Variants in RIOX1 observed in about 807,000 individuals in gnomAD.
RIOX1 encodes the protein 60S ribosomal protein L8 histidine hydroxylase.
A neutral mutation model predicts 44.6 loss-of-function variants in RIOX1; 33 were observed. The observed-to-expected ratio is 0.74, with a 90% CI of 0.56 to 0.99. RIOX1 has a LOEUF of 0.99. RIOX1 is among the 50% of genes least tolerant of loss of function. The pLI, the probability that RIOX1 is intolerant of heterozygous loss-of-function variation, is 0.00. For synonymous variants in RIOX1, 387 were observed against 395.8 expected, an observed-to-expected ratio of 0.98 and a Z score of 0.26; for missense variants, 821 against 871.7, an observed-to-expected ratio of 0.94 and a Z score of 0.73.
Position 73,492,168 on chromosome 14 carries a change from A to G in RIOX1, c.1151A>G (p.Glu384Gly), listed in dbSNP as rs1268072785. 6.2e-7 allele frequency: 1 copy of G among 1,613,762 alleles called. No individual in the cohort carries two copies. The highest frequency in any genetic ancestry group is 1.3e-5 in the African/African-American group (1 of 74,896). The change falls in exon 1 of 1, where the codon GAG becomes GGG. Residue 384 changes from glutamate (E) to glycine (G), a missense_variant. Glu to Gly is a moderately conservative substitution (Grantham distance 98). Transcript: ENST00000304061. The surrounding 1 kb of genome is among the most constrained non-coding windows in gnomAD (Gnocchi z 4.9). ...AACTTCAGTCAGGACGACCTCGGTG[A>G]GCCGGTGCTGCAGACCGTGCTGGAA... is the stretch of plus-strand genomic sequence containing the variant. ...SPNFSQDDLGEPVLQTVLEPG... is the reference protein window; with the variant it reads ...SPNFSQDDLGGPVLQTVLEPG...
chr14:73,492,334 A>G lies in RIOX1; in HGVS notation c.1317A>G (p.Ala439=). The G allele has an allele frequency of 6.2e-7, 1 of 1,613,994 alleles. No individual in the cohort carries two copies. Among genetic ancestry groups the G allele is most frequent in the Middle Eastern group, 1.6e-4 (1 of 6,062 alleles). ...GDFLEAILPL[A]VQAAMEENVE... ...TCTTAGAGGCCATACTGCCTCTGGC[A>G]GTGCAGGCTGCAATGGAAGAAAATG... is the stretch of plus-strand genomic sequence containing the variant. The change falls in exon 1 of 1, where the codon GCA becomes GCG. Residue 439 remains alanine (A), a synonymous_variant. Coordinates refer to ENST00000304061, the MANE Select transcript of RIOX1 (RefSeq NM_024644.5). This position sits in a 1 kb window ranked among gnomAD's most constrained non-coding sequence, Gnocchi z 4.9.
In RIOX1 at chr14:73,492,025, C is replaced by T. The variant is rs780766062; in HGVS notation, c.1008C>T (p.Gly336=). The T allele has an allele frequency of 1.5e-5, 25 of 1,613,892 alleles. No homozygotes were observed. Among genetic ancestry groups the T allele is most frequent in the Admixed American group, 1.2e-4 (7 of 59,994 alleles). ...NVYLTPPNSQ[G]FAPHYDDIEA... ...ACCTCACGCCCCCTAACTCGCAGGG[C>T]TTTGCCCCCCACTACGACGACATCG... Residue 336 remains glycine (G), a synonymous_variant, in exon 1 of 1, where the codon GGC becomes GGT. Coordinates refer to ENST00000304061, the MANE Select transcript of RIOX1 (RefSeq NM_024644.5). This position sits in a 1 kb window ranked among gnomAD's most constrained non-coding sequence, Gnocchi z 4.9.
Position 73,493,205 on chromosome 14 carries a change from C to A in RIOX1, c.*262C>A. The A allele has an allele frequency of 9.0e-7, 1 of 1,109,768 alleles. No homozygotes were observed. The highest frequency in any genetic ancestry group is 1.4e-6 in the Non-Finnish European group (1 of 726,502). 68.7% of individuals were successfully genotyped at this position (1,109,768 alleles called of 1,614,324 possible). On this transcript the variant is annotated 3_prime_UTR_variant, in exon 1 of 1. Transcript: ENST00000304061. ...GATCATTTCAGAGCACCAACTTCAT[C>A]ACCTTCAGGCTTCAGTGTACTGGGT... is the stretch of plus-strand genomic sequence containing the variant.
chr14:73,491,484 C>A lies in RIOX1; in HGVS notation c.467C>A (p.Ala156Glu). Residue 156 changes from alanine (A) to glutamate (E), a missense_variant, in exon 1 of 1, where the codon GCG (alanine) becomes GAG (glutamate). Physicochemically the swap from Ala to Glu is moderately radical, Grantham distance 107. Around this residue, in one of 2 missense-constraint regions of RIOX1, gnomAD observed 554 missense variants for 531.2 expected, o/e 1.04. Coordinates refer to ENST00000304061, the MANE Select transcript of RIOX1 (RefSeq NM_024644.5). ...SALLCTAQHL[A>E]AVQSSGAPAT... The stretch of plus-strand genomic sequence containing the variant: ...CTGCTGTGCACCGCGCAACACTTAG[C>A]GGCCGTCCAGTCGTCCGGGGCCCCT... The A allele has an allele frequency of 1.3e-6, 2 of 1,498,990 alleles. No homozygotes were observed. The highest frequency in any genetic ancestry group is 2.2e-5 in the Admixed American group (1 of 45,920). The allele number at this position is 1,498,990 out of a possible 1,614,324, so 92.9% of individuals were successfully genotyped here.
Position 73,492,282 on chromosome 14 carries a change from C to T in RIOX1, c.1265C>T (p.Thr422Met), listed in dbSNP as rs1412619994. Residue 422 changes from threonine to methionine, a missense_variant, in exon 1 of 1, where the codon ACG becomes ATG. Transcript: ENST00000304061. This position sits in a 1 kb window ranked among gnomAD's most constrained non-coding sequence, Gnocchi z 4.9. ...CACTCTCTGCACCTCACCTTGTCCACGTACCAGCGCAATACCTGGGGTGAC... is the reference window on the plus strand; with the variant it reads ...CACTCTCTGCACCTCACCTTGTCCATGTACCAGCGCAATACCTGGGGTGAC... ...GVHSLHLTLS[T>M]YQRNTWGDFL... 1 of 1,613,900 alleles carries T rather than the reference C, an allele frequency of 6.2e-7. No homozygotes were observed. Among genetic ancestry groups the T allele is most frequent in the African/African-American group, 1.3e-5 (1 of 74,936 alleles).
rs1188202763 is a variant in RIOX1, at chr14:73,492,529, C to T, written c.1512C>T (p.Asp504=). 1 of 1,613,620 alleles carries T rather than the reference C, an allele frequency of 6.2e-7. No homozygotes were observed. The highest frequency in any genetic ancestry group is 1.3e-5 in the African/African-American group (1 of 74,906). ...CTGTGGCCGACCAGCGAGCCAAAGA[C>T]TTCATTCACGATTCTCTGCCCCCTG... ...VDAVADQRAK[D]FIHDSLPPVL... The change falls in exon 1 of 1, where the codon GAC becomes GAT. Residue 504 remains aspartate, a synonymous_variant. Transcript: ENST00000304061. The surrounding 1 kb of genome is among the most constrained non-coding windows in gnomAD (Gnocchi z 4.9).
chr14:73,491,212 A>G lies in RIOX1; in HGVS notation c.195A>G (p.Glu65=). 2 of 1,593,426 alleles carry G rather than the reference A, an allele frequency of 1.3e-6. No homozygotes were observed. The highest frequency in any genetic ancestry group is 1.7e-6 in the Non-Finnish European group (2 of 1,168,760). The part of the protein sequence containing the change: ...TQTLPSENSE[E]SRVESTADDL... ...CGCTGCCTAGCGAGAACTCGGAGGAATCGAGGGTGGAGTCGACGGCCGACG... is the reference window on the plus strand; with the variant it reads ...CGCTGCCTAGCGAGAACTCGGAGGAGTCGAGGGTGGAGTCGACGGCCGACG... The change falls in exon 1 of 1, where the codon GAA becomes GAG. Residue 65 remains glutamate, a synonymous_variant. Transcript: ENST00000304061.
Position 73,492,095 on chromosome 14 carries a change from T to C in RIOX1, c.1078T>C (p.Tyr360His), listed in dbSNP as rs1358728380. ...QLEGRKLWRVYRPRVPTEELA... is the reference protein window; with the variant it reads ...QLEGRKLWRVHRPRVPTEELA... ...GGAAGGTAGGAAACTCTGGCGTGTA[T>C]ACCGACCCCGAGTCCCAACCGAGGA... The change falls in exon 1 of 1, where the codon TAC (tyrosine) becomes CAC (histidine). Residue 360 changes from tyrosine (Y) to histidine (H), a missense_variant. This residue lies in a region of RIOX1 where 554 missense variants were observed against 531.2 expected (regional missense o/e 1.04). Transcript: ENST00000304061. The surrounding 1 kb of genome is among the most constrained non-coding windows in gnomAD (Gnocchi z 4.9). 6.2e-7 allele frequency: 1 copy of C among 1,613,902 alleles called. No individual in the cohort carries two copies. The highest frequency in any genetic ancestry group is 8.5e-7 in the Non-Finnish European group (1 of 1,179,866).
rs534669266 is a variant in RIOX1 at position 73,491,398 on chromosome 14, G to T, written c.381G>T (p.Ala127=). 60 of 1,346,102 alleles carry T rather than the reference G, an allele frequency of 4.5e-5. No homozygotes were observed. In the African/African-American group the frequency reaches 8.9e-4, roughly 20 times the overall value. 83.4% of individuals were successfully genotyped at this position (1,346,102 alleles called of 1,614,324 possible). Residue 127 remains alanine (A), a synonymous_variant, in exon 1 of 1, where the codon GCG becomes GCT. Coordinates refer to ENST00000304061, the MANE Select transcript of RIOX1 (RefSeq NM_024644.5). ...TPSARLVPAS[A]PPARLVEVPA... ...CGGCGCGCCTGGTGCCCGCTTCCGC[G>T]CCGCCCGCGCGCCTGGTGGAGGTGC... is the stretch of plus-strand genomic sequence containing the variant.
rs750372152 is a variant in RIOX1, at chr14:73,491,281, C to T, written c.264C>T (p.Val88=). Residue 88 remains valine, a synonymous_variant, in exon 1 of 1, where the codon GTC becomes GTT. Transcript: ENST00000304061. The part of the protein sequence containing the change: ...ALPGGAAVAA[V]PDAARREPYG... ...CCGGTGGGGCGGCGGTGGCGGCCGTCCCGGACGCAGCCCGGCGAGAGCCAT... is the reference window on the plus strand; with the variant it reads ...CCGGTGGGGCGGCGGTGGCGGCCGTTCCGGACGCAGCCCGGCGAGAGCCAT... 9 of 1,560,942 alleles carry T rather than the reference C, an allele frequency of 5.8e-6. No homozygotes were observed. The highest frequency in any genetic ancestry group is 1.9e-5 in the Admixed American group (1 of 52,860).
In RIOX1 at chr14:73,491,209, G is replaced by A. The variant is rs1263145493; in HGVS notation, c.192G>A (p.Glu64=). 4 of 1,594,388 alleles carry A rather than the reference G, an allele frequency of 2.5e-6. No homozygotes were observed. In the Admixed American group the frequency reaches 5.2e-5, roughly 21 times the overall value. The change falls in exon 1 of 1, where the codon GAG becomes GAA. Residue 64 remains glutamate, a synonymous_variant. Transcript: ENST00000304061. Reference sequence around the variant, plus strand: ...AGACGCTGCCTAGCGAGAACTCGGAGGAATCGAGGGTGGAGTCGACGGCCG... The same window carrying A: ...AGACGCTGCCTAGCGAGAACTCGGAAGAATCGAGGGTGGAGTCGACGGCCG... ...RTQTLPSENS[E]ESRVESTADD... is the part of the protein sequence containing the mutation.
Position 73,490,953 on chromosome 14 carries a change from C to T in RIOX1, c.-65C>T, listed in dbSNP as rs911527173. ...TTCCCAGAGTGCACCGCAGCCGCTG[C>T]ATTCAGGAACCGCTTTAGCTTCGCC... On this transcript the variant is annotated 5_prime_UTR_variant, in exon 1 of 1. Coordinates refer to ENST00000304061, the MANE Select transcript of RIOX1 (RefSeq NM_024644.5). 161 of 1,285,840 alleles carry T rather than the reference C, an allele frequency of 1.3e-4. No individual in the cohort carries two copies. The highest frequency in any genetic ancestry group is 1.6e-4 in the Non-Finnish European group (160 of 1,011,450). 79.7% of individuals were successfully genotyped at this position (1,285,840 alleles called of 1,614,324 possible).
At position 73,491,654 on chromosome 14, in the gene RIOX1, A is replaced by T. The variant is rs916361645; in HGVS notation, c.637A>T (p.Met213Leu). 1 of 1,549,488 alleles carries T rather than the reference A, an allele frequency of 6.5e-7. No individual in the cohort carries two copies. The highest frequency in any genetic ancestry group is 8.7e-7 in the Non-Finnish European group (1 of 1,147,044). Residue 213 changes from methionine to leucine, a missense_variant, in exon 1 of 1, where the codon ATG becomes TTG. Met to Leu is a conservative substitution (Grantham distance 15). Coordinates refer to ENST00000304061, the MANE Select transcript of RIOX1 (RefSeq NM_024644.5). The part of the protein sequence containing the change: ...ARLFEWLIAP[M>L]PPDHFYRRLW... ...CCTCTTTGAGTGGCTCATCGCGCCC[A>T]TGCCGCCAGATCACTTTTACCGGCG...
In RIOX1 at chr14:73,492,459, T is replaced by G. The variant is rs1245193645; in HGVS notation, c.1442T>G (p.Val481Gly). 6.2e-7 allele frequency: 1 copy of G among 1,613,772 alleles called. No homozygotes were observed. Among genetic ancestry groups the G allele is most frequent in the East Asian group, 2.2e-5 (1 of 44,880 alleles). The change falls in exon 1 of 1, where the codon GTG becomes GGG. Residue 481 changes from valine (V) to glycine (G), a missense_variant. Val to Gly is a moderately radical substitution (Grantham distance 109, BLOSUM62 -3). Around this residue, in one of 2 missense-constraint regions of RIOX1, gnomAD observed 267 missense variants for 340.5 expected, o/e 0.78. Coordinates refer to ENST00000304061, the MANE Select transcript of RIOX1 (RefSeq NM_024644.5). The surrounding 1 kb of genome is among the most constrained non-coding windows in gnomAD (Gnocchi z 4.9). Reference sequence around the variant, plus strand: ...CGAAGAACCGCTTTCATGGAGAAGGTGCGGGTCTTGGTTGCCCGCCTGGGA... The same window carrying G: ...CGAAGAACCGCTTTCATGGAGAAGGGGCGGGTCTTGGTTGCCCGCCTGGGA... ...DPRRTAFMEK[V>G]RVLVARLGHF...
In RIOX1 at chr14:73,491,879, T is replaced by C. The variant is rs1468355050; in HGVS notation, c.862T>C (p.Ser288Pro). The change falls in exon 1 of 1, where the codon TCC becomes CCC. Residue 288 changes from serine (S) to proline (P), a missense_variant. Physicochemically the swap from Ser to Pro is moderately conservative, Grantham distance 74. This residue lies in a region of RIOX1 where 554 missense variants were observed against 531.2 expected (regional missense o/e 1.04). Transcript: ENST00000304061. The stretch of plus-strand genomic sequence containing the variant: ...CCGCGCGCTGCCCGCCGCCGCGTGG[T>C]CCCTGTACCAGGCCGGCTGCTCCCT... ...PGRALPAAAW[S>P]LYQAGCSLRL... 1 of 1,611,722 alleles carries C rather than the reference T, an allele frequency of 6.2e-7. No homozygotes were observed.
In RIOX1 at chr14:73,490,968, T is replaced by G. The variant is rs755391492; in HGVS notation, c.-50T>G. 7.6e-7 allele frequency: 1 copy of G among 1,308,546 alleles called. No homozygotes were observed. Among genetic ancestry groups the G allele is most frequent in the East Asian group, 3.1e-5 (1 of 32,308 alleles). The allele number at this position is 1,308,546 out of a possible 1,614,324, so 81.1% of individuals were successfully genotyped here. A position where few individuals can be genotyped will look rare whatever the true frequency, so the allele number is the denominator to read the frequency against. On this transcript the variant is annotated 5_prime_UTR_variant, in exon 1 of 1. Transcript: ENST00000304061. ...GCAGCCGCTGCATTCAGGAACCGCTTTAGCTTCGCCCCCGGCCGGCCGGGC... is the reference window on the plus strand; with the variant it reads ...GCAGCCGCTGCATTCAGGAACCGCTGTAGCTTCGCCCCCGGCCGGCCGGGC...
chr14:73,493,339 G>T lies in RIOX1; in HGVS notation c.*396G>T. 2 of 511,178 alleles carry T rather than the reference G, an allele frequency of 3.9e-6. No individual in the cohort carries two copies. The highest frequency in any genetic ancestry group is 7.1e-6 in the Non-Finnish European group (2 of 282,210). The allele number at this position is 511,178 out of a possible 1,614,324, so 31.7% of individuals were successfully genotyped here. A position where few individuals can be genotyped will look rare whatever the true frequency, so the allele number is the denominator to read the frequency against. ...GCGGGTCGGGGTCAGTATCCTGTTT[G>T]TTATTGTTAAATTTGTATGAACCTT... On this transcript the variant is annotated 3_prime_UTR_variant, in exon 1 of 1. Transcript: ENST00000304061.
chr14:73,493,246 G>A lies in RIOX1; in HGVS notation c.*303G>A, dbSNP rs533209659. On this transcript the variant is annotated 3_prime_UTR_variant, in exon 1 of 1. Coordinates refer to ENST00000304061, the MANE Select transcript of RIOX1 (RefSeq NM_024644.5). The stretch of plus-strand genomic sequence containing the variant: ...TGTACTGGGTAACACTGACCATGTC[G>A]TTCTGCTTGAGACAGATATTAGATT... 1.7e-5 allele frequency: 13 copies of A among 775,158 alleles called. No individual in the cohort carries two copies. Among genetic ancestry groups the A allele is most frequent in the South Asian group, 1.2e-4 (7 of 60,268 alleles). 48.0% of individuals were successfully genotyped at this position (775,158 alleles called of 1,614,324 possible). A position where few individuals can be genotyped will look rare whatever the true frequency, so the allele number is the denominator to read the frequency against.
rs1885751386 is a variant in RIOX1 at position 73,491,628 on chromosome 14, G to A, written c.611G>A (p.Arg204His). The stretch of plus-strand genomic sequence containing the variant: ...CCCAGCAGCCGGCGGCGAGCGGCCC[G>A]CCTCTTTGAGTGGCTCATCGCGCCC... The part of the protein sequence containing the change: ...RIPSSRRRAA[R>H]LFEWLIAPMP... Residue 204 changes from arginine (R) to histidine (H), a missense_variant, in exon 1 of 1, where the codon CGC (arginine) becomes CAC (histidine). By Grantham distance (29) the Arg-to-His change is conservative. This residue lies in a region of RIOX1 where 554 missense variants were observed against 531.2 expected (regional missense o/e 1.04). Coordinates refer to ENST00000304061, the MANE Select transcript of RIOX1 (RefSeq NM_024644.5). The A allele has an allele frequency of 4.5e-6, 7 of 1,549,276 alleles. No individual in the cohort carries two copies. Among genetic ancestry groups the A allele is most frequent in the Non-Finnish European group, 4.4e-6 (5 of 1,147,298 alleles).
Sources: allele counts gnomAD v4.1 joint callset, GRCh38; gene constraint gnomAD v4.1.1; regional missense constraint gnomAD v4.1.1; non-coding constraint Gnocchi (gnomAD v3.1); transcripts MANE v1.5; gene names NCBI Gene and HGNC (gene_info 2026-07-23, HGNC 2026-07-21).